The following ABCC5 variants were observed in gnomAD, a reference collection of about 807,000 sequenced individuals.
The protein encoded by ABCC5 is ATP binding cassette subfamily C member 5, also known as ATP-binding cassette sub-family C member 5.
A neutral mutation model predicts 160.9 loss-of-function variants in ABCC5; 61 were observed. That is an observed-to-expected ratio of 0.38 (90% CI 0.31 to 0.47). The LOEUF (loss-of-function observed/expected upper bound fraction) is 0.47. Among genes scored for constraint, ABCC5 ranks in the 20% least tolerant of loss-of-function variants. The pLI is 0.99. For missense variants in ABCC5, 1,308 were observed against 1,813.3 expected (o/e 0.72, Z 5.06); for synonymous variants, 666 against 700.6 (o/e 0.95, Z 0.78).
intron 12 of ABCC5, among the ~76,000 whole-genome samples, chr3:183,965,890 A>G (rs1317797991): frequency 6.6e-6 from 1 of 152,154 alleles, no homozygotes; most frequent in East Asian, 1.9e-4. Flanking sequence ...ATCCAAGGCA[A>G]TTACCTAGGA....
At chr3:183,959,889 G>A (rs1716567622) in intron 16 of ABCC5, 54 bp from the exon 17 acceptor site, 1 of 1,268,900 alleles carries the variant, frequency 7.9e-7, no homozygotes, top group Non-Finnish European at 1.1e-6. Context: ...CCAGATGAAT[G>A]TCCACAGGAT....
intron 18 of ABCC5, among the ~76,000 whole-genome samples, chr3:183,952,654 C>T (rs534393763): frequency 3.9e-5 from 6 of 152,318 alleles, no homozygotes; most frequent in Non-Finnish European, 8.8e-5. Flanking sequence ...CTCCCGCACA[C>T]GCTGTCTTGT....
chr3:183,983,645 C>T (rs1006081390), intron 5 of ABCC5: 5 of 701,304 alleles, frequency 7.1e-6, no homozygotes, highest in South Asian at 6.4e-5. Flanking sequence ...AGAGGGAAGG[C>T]GGCCAGCCCC....
At chr3:183,962,077 C>CG (rs1716798865) in intron 15 of ABCC5, among the ~76,000 whole-genome samples, 1 of 152,022 alleles carries the variant, frequency 6.6e-6, no homozygotes, top group Non-Finnish European at 1.5e-5. Context: ...TGTCACAACT[C>CG]GGGGGAGAGG....
intron 17 of ABCC5, among the ~76,000 whole-genome samples, chr3:183,956,159 A>T (rs371526326): frequency 0.011 from 499 of 45,956 alleles, no homozygotes; most frequent in Middle Eastern, 0.03. Flanking sequence ...TCCGTGTGTA[A>T]ATCACATCGG....
intron 26 of ABCC5, among the ~76,000 whole-genome samples, chr3:183,935,015 T>C (rs1431246424): frequency 6.6e-6 from 1 of 152,104 alleles, no homozygotes; most frequent in Non-Finnish European, 1.5e-5. Flanking sequence ...CAAAGCCAAA[T>C]ATTGTAAGGC....
chr3:183,991,889 A>G (rs1390151210), intron 2 of ABCC5, among the ~76,000 whole-genome samples: 2 of 152,244 alleles, frequency 1.3e-5, no homozygotes, highest in South Asian at 2.1e-4. Context: ...AGAGAAAGAT[A>G]CACTAAAAAT....
chr3:183,992,317 A>G (rs890096140), intron 2 of ABCC5, among the ~76,000 whole-genome samples: 1 of 152,238 alleles, frequency 6.6e-6, no homozygotes, highest in African/African-American at 2.4e-5. Context: ...TTGAGGCTGC[A>G]GTGAACTTTG....
rs777966055 is a variant in ABCC5 at position 183,961,605 on chromosome 3, G to A, written c.2285C>T (p.Thr762Met). Residue 762 changes from threonine to methionine, a missense_variant, in exon 16 of 30, where the codon ACG (threonine) becomes ATG (methionine). By Grantham distance (81) the Thr-to-Met change is moderately conservative. Coordinates refer to ENST00000334444, the MANE Select transcript of ABCC5 (RefSeq NM_005688.4). ...EVIFMKEGCI[T>M]ERGTHEELMN... Reference sequence around the variant, plus strand: ...CAGTTCCTCATGGGTGCCTCTTTCCGTAATACAGCCCTCTTTCATGAAGAT... The same window carrying A: ...CAGTTCCTCATGGGTGCCTCTTTCCATAATACAGCCCTCTTTCATGAAGAT... The A allele has an allele frequency of 2.3e-5, 37 of 1,614,070 alleles. No individual in the cohort carries two copies. Among genetic ancestry groups the A allele is most frequent in the Middle Eastern group, 1.6e-4 (1 of 6,084 alleles).
intron 23 of ABCC5, among the ~76,000 whole-genome samples, chr3:183,946,660 C>T (rs1411628813): frequency 6.6e-6 from 1 of 152,004 alleles, no homozygotes; most frequent in East Asian, 1.9e-4. Context: ...TCCATTCCTA[C>T]CCCCACCCCC....
chr3:183,993,577 A>ACATT (rs1719979338), intron 2 of ABCC5, among the ~76,000 whole-genome samples: 1 of 152,012 alleles, frequency 6.6e-6, no homozygotes, highest in Admixed American at 6.6e-5. Flanking sequence ...CTCATGGAAG[A>ACATT]CATTATAGAA....
At chr3:183,940,447 G>A (rs1168258821) in intron 25 of ABCC5, among the ~76,000 whole-genome samples, 2 of 120,716 alleles carry the variant, frequency 1.7e-5, no homozygotes, top group African/African-American at 6.3e-5. Flanking sequence ...GCAACAGACT[G>A]AGACTCTGTC....
At chr3:183,995,263 C>T (rs953610867) in intron 2 of ABCC5, among the ~76,000 whole-genome samples, 1 of 152,034 alleles carries the variant, frequency 6.6e-6, no homozygotes, top group African/African-American at 2.4e-5. Flanking sequence ...TAATTAGGGC[C>T]ATTCATGCAG....
chr3:183,977,328 A>T (rs1326404338), intron 10 of ABCC5, among the ~76,000 whole-genome samples, 189 bp downstream of exon 10: 1 of 152,212 alleles, frequency 6.6e-6, no homozygotes, highest in Non-Finnish European at 1.5e-5. Context: ...CACATTAATT[A>T]AAAAAGGTGA....
intron 1 of ABCC5, among the ~76,000 whole-genome samples, chr3:184,015,872 G>A (rs1722149320): frequency 6.6e-6 from 1 of 152,154 alleles, no homozygotes; most frequent in African/African-American, 2.4e-5. Flanking sequence ...ACCTTCTTAC[G>A]GGAATCACGA....
chr3:183,968,062 T>C (rs762160276), intron 11 of ABCC5, among the ~76,000 whole-genome samples: 39 of 152,158 alleles, frequency 2.6e-4, no homozygotes, highest in Non-Finnish European at 4.4e-4. Flanking sequence ...TGCTAACCCA[T>C]GTTCTTCATT....
At chr3:183,962,404 G>A (rs1011657893) in intron 15 of ABCC5, among the ~76,000 whole-genome samples, 7 of 152,072 alleles carry the variant, frequency 4.6e-5, no homozygotes, top group Admixed American at 3.3e-4. Context: ...GGCCAGGGGT[G>A]CACAAAGCAG....
At chr3:183,927,520 A>G in intron 27 of ABCC5, 77 bp from the exon 28 acceptor site, 10 of 1,526,992 alleles carry the variant, frequency 6.5e-6, no homozygotes, top group Non-Finnish European at 8.8e-6. Context: ...ACAGAAAGAA[A>G]TGATTCTGAA....
rs770192547 is a variant in ABCC5 at position 183,954,298 on chromosome 3, G to A, written c.2483-1028C>T. Among the ~76,000 whole-genome samples the A allele has an allele frequency of 4.8e-4, 73 of 152,046 alleles. 2 individuals are homozygous for A. Among genetic ancestry groups the A allele is most frequent in the Non-Finnish European group, 2.8e-4 (19 of 68,016 alleles). The stretch of plus-strand genomic sequence containing the variant: ...CAAGTAGCTGGGATTATAGGCGCCC[G>A]CCACCACGCCTGGCTAATTTTTGTA... On this transcript the variant is annotated intron_variant, in intron 17 of 29. Coordinates refer to ENST00000334444, the MANE Select transcript of ABCC5 (RefSeq NM_005688.4).
Sources: gnomAD v4.1 joint callset for allele counts (sites outside exome capture counted in the v4.1 genomes callset) on GRCh38, gnomAD v4.1.1 for gene constraint, MANE v1.5 for transcripts, NCBI Gene and HGNC (gene_info 2026-07-23, HGNC 2026-07-21) for gene names.